The following PFKFB3 variants were observed in gnomAD, a reference collection of about 807,000 sequenced individuals.
PFKFB3 encodes the protein 6-phosphofructo-2-kinase/fructose-2,6-biphosphatase 3, also known as 6-phosphofructo-2-kinase/fructose-2,6-bisphosphatase 3.
Under a neutral mutation model 68.0 loss-of-function variants are expected in PFKFB3, and 33 were observed. The observed-to-expected ratio is 0.49, with a 90% CI of 0.37 to 0.65. The LOEUF (loss-of-function observed/expected upper bound fraction) is 0.65. PFKFB3 is among the 30% of genes least tolerant of loss of function. The pLI is 0.00. For missense variants in PFKFB3, 586 were observed against 712.2 expected (o/e 0.82, Z 2.02); for synonymous variants, 315 against 288.2 (o/e 1.09, Z -0.94).
the PFKFB3 span, among the ~76,000 whole-genome samples, chr10:6,260,159 A>T: frequency 1.8e-4 from 28 of 152,176 alleles, no homozygotes; most frequent in African/African-American, 5.8e-4. Context: ...CACGCTTGTA[A>T]TCCCAGCACT....
chr10:6,216,869 C>A, intron 5 of PFKFB3, 89 bp downstream of exon 5: 1 of 851,432 alleles, frequency 1.2e-6, no homozygotes, highest in Non-Finnish European at 1.9e-6. Context: ...GGTCCTTCCC[C>A]TCCTGCTGCC....
chr10:6,317,708 A>G, the PFKFB3 span, among the ~76,000 whole-genome samples: 1 of 152,158 alleles, frequency 6.6e-6, no homozygotes, highest in East Asian at 1.9e-4. Context: ...ATTTGTTTCT[A>G]TCTCACCTTC....
the PFKFB3 span, among the ~76,000 whole-genome samples, chr10:6,277,148 C>A: frequency 6.6e-6 from 1 of 152,090 alleles, no homozygotes. Flanking sequence ...AATGTAATCC[C>A]CAGTGCTGCA....
downstream of PFKFB3, among the ~76,000 whole-genome samples, chr10:6,254,805 G>GTTTTT (rs1294334635): frequency 4.9e-5 from 2 of 40,654 alleles, no homozygotes; most frequent in Admixed American, 3.1e-4. Flanking sequence ...ATTTTTTTCT[G>GTTTTT]TTCTTTTTTT....
downstream of PFKFB3, among the ~76,000 whole-genome samples, chr10:6,259,181 A>G (rs1263202414): frequency 8.6e-6 from 1 of 116,936 alleles, no homozygotes; most frequent in African/African-American, 3.1e-5. Flanking sequence ...CATCCCATCC[A>G]TCTATCCATC....
At chr10:6,203,958 T>C (rs1843513420) in intron 1 of PFKFB3, among the ~76,000 whole-genome samples, 1 of 152,186 alleles carries the variant, frequency 6.6e-6, no homozygotes, top group East Asian at 1.9e-4. Flanking sequence ...GGGGCGCCCG[T>C]GCTGGGGGCG....
rs746368669 is a variant in PFKFB3, at chr10:6,159,695, GAAA to G, written c.16+14694_16+14696del. The stretch of plus-strand genomic sequence containing the variant: ...CAACAAGAGTGAAACTCCGTCTGAG[GAAA>G]AAAAAAAAAAACAAAACACCAAAAA... On this transcript the variant is annotated intron_variant, in intron 1 of 14. Coordinates refer to the PFKFB3 transcript ENST00000379789. 7.0e-5 allele frequency among the ~76,000 whole-genome samples: 7 copies of G among 99,430 alleles called. No individual in the cohort carries two copies. The Admixed American group carries it at 7.4e-4, about 10-fold the overall frequency. The allele number at this position is 99,430 out of a possible 152,430, so 65.2% of individuals were successfully genotyped here.
At chr10:6,179,610 C>T (rs1842647901) in intron 1 of PFKFB3, among the ~76,000 whole-genome samples, 2 of 152,060 alleles carry the variant, frequency 1.3e-5, no homozygotes, top group African/African-American at 4.8e-5. Context: ...GGTGTGGAGG[C>T]CCAGGAGGAC....
the PFKFB3 span, among the ~76,000 whole-genome samples, chr10:6,274,438 A>G: frequency 6.6e-6 from 1 of 152,248 alleles, no homozygotes; most frequent in Non-Finnish European, 1.5e-5. Context: ...AATGCCAAAT[A>G]TAAACATTTA....
intron 1 of PFKFB3, among the ~76,000 whole-genome samples, chr10:6,191,734 A>G (rs1386272624): frequency 6.6e-6 from 1 of 152,198 alleles, no homozygotes; most frequent in East Asian, 1.9e-4. Context: ...TCCACTGTAC[A>G]GAGAAGGCAT....
intron 1 of PFKFB3, among the ~76,000 whole-genome samples, chr10:6,165,206 G>A (rs1842093114): frequency 6.6e-6 from 1 of 152,262 alleles, no homozygotes; most frequent in Admixed American, 6.5e-5. Context: ...AATGGAGAAT[G>A]GCGATGACTT....
chr10:6,207,450 C>G (rs530375585), intron 1 of PFKFB3, among the ~76,000 whole-genome samples: 1 of 152,120 alleles, frequency 6.6e-6, no homozygotes, highest in South Asian at 2.1e-4. Flanking sequence ...GGAGAGGGAG[C>G]TGGAGCTTAA....
At chr10:6,178,947 C>T (rs548704552) in intron 1 of PFKFB3, among the ~76,000 whole-genome samples, 7 of 152,334 alleles carry the variant, frequency 4.6e-5, no homozygotes, top group East Asian at 1.9e-4. Flanking sequence ...CTCCCCAGCA[C>T]GGGGTCCTCC....
the PFKFB3 span, among the ~76,000 whole-genome samples, chr10:6,299,381 G>T: frequency 3.9e-5 from 6 of 152,158 alleles, no homozygotes; most frequent in African/African-American, 1.4e-4. Flanking sequence ...CAGGAGGGTG[G>T]CATCCCATAG....
chr10:6,181,288 GATT>G (rs1842706166), intron 1 of PFKFB3, among the ~76,000 whole-genome samples: 2 of 152,128 alleles, frequency 1.3e-5, no homozygotes, highest in African/African-American at 4.8e-5. Context: ...CAGTAGCTGG[GATT>G]ATAGTCATGA....
At chr10:6,287,204 AG>A in the PFKFB3 span, among the ~76,000 whole-genome samples, 1 of 152,144 alleles carries the variant, frequency 6.6e-6, no homozygotes, top group East Asian at 1.9e-4. Context: ...ATCTTGCCTC[AG>A]CCTCCTGAGT....
the PFKFB3 span, chr10:6,294,107 C>T: frequency 2.0e-6 from 1 of 496,578 alleles, no homozygotes; most frequent in South Asian, 1.5e-5. Flanking sequence ...CACCAGAAAC[C>T]ATGGTCATAT....
At chr10:6,283,110 C>T in the PFKFB3 span, among the ~76,000 whole-genome samples, 49 of 152,252 alleles carry the variant, frequency 3.2e-4, no homozygotes, top group African/African-American at 1.1e-3. Flanking sequence ...GGATTACAGA[C>T]GCCTGCCACC....
chr10:6,302,497 T>C, the PFKFB3 span, among the ~76,000 whole-genome samples: 1 of 147,148 alleles, frequency 6.8e-6, no homozygotes, highest in Non-Finnish European at 1.5e-5. Context: ...TTCTCCTGCC[T>C]CAGCCTCCCA....
Sources: gnomAD v4.1 joint callset for allele counts (sites outside exome capture counted in the v4.1 genomes callset) on GRCh38, gnomAD v4.1.1 for gene constraint, MANE v1.5 for transcripts, NCBI Gene and HGNC (gene_info 2026-07-23, HGNC 2026-07-21) for gene names.